The following R3HDM1 variants were observed in gnomAD, a reference collection of about 807,000 sequenced individuals.
R3HDM1 encodes the protein R3H domain containing 1, also known as R3H domain-containing protein 1.
R3HDM1 carries 46 observed loss-of-function variants against 141.1 expected under a neutral mutation model. The ratio of observed to expected loss-of-function variants is 0.33; its 90% confidence interval spans 0.26 to 0.42. The LOEUF (loss-of-function observed/expected upper bound fraction) is 0.42. Among genes scored for constraint, R3HDM1 ranks in the 10% least tolerant of loss-of-function variants. The pLI is 1.00. For synonymous variants in R3HDM1, 435 were observed against 472.9 expected, an observed-to-expected ratio of 0.92 and a Z score of 1.04; for missense variants, 1,184 against 1,368.3, an observed-to-expected ratio of 0.87 and a Z score of 2.12.
intron 1 of R3HDM1, chr2:135,536,729 TC>T (rs1696210955): frequency 1.0e-6 from 1 of 982,014 alleles, no homozygotes; most frequent in South Asian, 4.7e-5. Flanking sequence ...TGCTAACCTG[TC>T]CTATAAGGCA....
intron 23 of R3HDM1, among the ~76,000 whole-genome samples, chr2:135,713,192 A>G (rs768179936): frequency 6.6e-5 from 10 of 152,112 alleles, no homozygotes; most frequent in Non-Finnish European, 1.2e-4. Context: ...ACAGAGTGAG[A>G]CCCTGTCTCA....
At chr2:135,652,407 A>G (rs1230069893) in intron 18 of R3HDM1, among the ~76,000 whole-genome samples, 1 of 152,214 alleles carries the variant, frequency 6.6e-6, no homozygotes, top group Non-Finnish European at 1.5e-5. Context: ...GCTGACTCAC[A>G]AGGCTGGGCT....
At chr2:135,575,137 T>C (rs2105009032) in intron 1 of R3HDM1, among the ~76,000 whole-genome samples, 1 of 152,318 alleles carries the variant, frequency 6.6e-6, no homozygotes, top group East Asian at 1.9e-4. Flanking sequence ...GCACTTCAGA[T>C]TTTGGATTAA....
At chr2:135,699,129 A>T (rs2073877988) in intron 21 of R3HDM1, among the ~76,000 whole-genome samples, 1 of 142,234 alleles carries the variant, frequency 7.0e-6, no homozygotes, top group African/African-American at 2.7e-5. Context: ...CCCAAAAAAT[A>T]GCAAAATCAT....
intron 3 of R3HDM1, chr2:135,606,396 G>A (rs2060050819): frequency 6.6e-6 from 1 of 152,160 alleles, no homozygotes; most frequent in Non-Finnish European, 1.5e-5. Flanking sequence ...AGCCAGGCCA[G>A]AGGATGGGGA....
chr2:135,666,459 A>G (rs1368122088), intron 19 of R3HDM1, among the ~76,000 whole-genome samples: 2 of 152,168 alleles, frequency 1.3e-5, no homozygotes, highest in Non-Finnish European at 2.9e-5. Context: ...GTGATTCAGC[A>G]TAGATTCAGA....
In R3HDM1 at chr2:135,715,710, A is replaced by G. The variant is rs747221935; in HGVS notation, c.2881+16A>G. 6 of 1,599,496 alleles carry G rather than the reference A, an allele frequency of 3.8e-6. No individual in the cohort carries two copies. Among genetic ancestry groups the G allele is most frequent in the Non-Finnish European group, 5.1e-6 (6 of 1,172,904 alleles). On this transcript the variant is annotated intron_variant, in intron 24 of 26. Transcript: ENST00000683871. ...CCCGGGCAAGGTAAGTGCACATGAA[A>G]CTAGTCACAACTTCAGAGAATTTAA...
In R3HDM1 at chr2:135,638,892, A is replaced by G. The variant is rs915295440; in HGVS notation, c.993-4A>G. 6.2e-7 allele frequency: 1 copy of G among 1,613,208 alleles called. No individual in the cohort carries two copies. ...CTTTTCAAGGTTTTATTTCTAAATTACAGAGTTAATAAAGATGCTTCAGGG... is the reference window on the plus strand; with the variant it reads ...CTTTTCAAGGTTTTATTTCTAAATTGCAGAGTTAATAAAGATGCTTCAGGG... On this transcript the variant is annotated splice_region_variant and splice_polypyrimidine_tract_variant and intron_variant, in intron 13 of 26. Coordinates refer to ENST00000683871, the MANE Select transcript of R3HDM1 (RefSeq NM_001378107.1).
chr2:135,547,868 G>C (rs1261786963), intron 1 of R3HDM1, among the ~76,000 whole-genome samples: 1 of 149,308 alleles, frequency 6.7e-6, no homozygotes, highest in Non-Finnish European at 1.5e-5. Context: ...CCACTTCCCA[G>C]GTTCAAGTGA....
chr2:135,547,509 T>G (rs564051685), intron 1 of R3HDM1, among the ~76,000 whole-genome samples: 45 of 151,182 alleles, frequency 3.0e-4, no homozygotes, highest in Non-Finnish European at 4.7e-4. Flanking sequence ...CAAGCAATAG[T>G]GCACCATCAG....
intron 1 of R3HDM1, among the ~76,000 whole-genome samples, chr2:135,601,984 T>TTTTG (rs2059656620): frequency 6.6e-6 from 1 of 151,794 alleles, no homozygotes; most frequent in Non-Finnish European, 1.5e-5. Flanking sequence ...TTTTTTTTTT[T>TTTTG]TTAGAACAGA....
intron 1 of R3HDM1, chr2:135,581,088 G>T: frequency 1.5e-6 from 1 of 661,150 alleles, no homozygotes; most frequent in South Asian, 6.8e-5. Context: ...ACCATCTATG[G>T]TATGAAGAAT....
At chr2:135,636,847 ACTT>A (rs1488834690) in intron 11 of R3HDM1, among the ~76,000 whole-genome samples, 2 of 152,140 alleles carry the variant, frequency 1.3e-5, no homozygotes, top group African/African-American at 4.8e-5. Flanking sequence ...TAAGTGAAGA[ACTT>A]ATTCATTCAA....
chr2:135,667,697 T>C, intron 19 of R3HDM1: 1 of 976,972 alleles, frequency 1.0e-6, no homozygotes, highest in Non-Finnish European at 1.2e-6. Context: ...AACCTGTTGA[T>C]ACTTTTCATT....
chr2:135,651,001 GGTCC>G (rs1359465848), intron 17 of R3HDM1: 4 of 985,202 alleles, frequency 4.1e-6, no homozygotes, highest in Non-Finnish European at 4.8e-6. Flanking sequence ...AATAAGAGCT[GGTCC>G]TTATCCTGTT....
chr2:135,603,654 G>A (rs1159016499), intron 2 of R3HDM1, among the ~76,000 whole-genome samples: 1 of 152,126 alleles, frequency 6.6e-6, no homozygotes, highest in Non-Finnish European at 1.5e-5. Context: ...GTCACCCAAG[G>A]TGGAGTCTAG....
At chr2:135,641,469 G>A in intron 14 of R3HDM1, 67 bp from the exon 15 acceptor site, 1 of 1,473,258 alleles carries the variant, frequency 6.8e-7, no homozygotes, top group Non-Finnish European at 9.2e-7. Flanking sequence ...TTTTATTGTT[G>A]TTTTAAAAAC....
At position 135,616,601 on chromosome 2, in the gene R3HDM1, C is replaced by A. The variant is rs889479100; in HGVS notation, c.214-67C>A. On this transcript the variant is annotated intron_variant, in intron 4 of 26. Transcript: ENST00000683871. Reference sequence around the variant, plus strand: ...CTATAAAGAAACTTAGAAACTCTTTCTAGGGGGCTTTTGGATATGCCCTAG... The same window carrying A: ...CTATAAAGAAACTTAGAAACTCTTTATAGGGGGCTTTTGGATATGCCCTAG... The A allele has an allele frequency of 5.4e-6, 7 of 1,300,590 alleles. No individual in the cohort carries two copies. In the African/African-American group the frequency reaches 6.0e-5, roughly 11 times the overall value. 80.6% of individuals were successfully genotyped at this position (1,300,590 alleles called of 1,614,324 possible). A position where few individuals can be genotyped will look rare whatever the true frequency, so the allele number is the denominator to read the frequency against.
chr2:135,605,075 A>G (rs2059932238), intron 3 of R3HDM1, 59 bp downstream of exon 3: 2 of 1,339,950 alleles, frequency 1.5e-6, no homozygotes, highest in East Asian at 2.4e-5. Context: ...ATTTATGTTT[A>G]TTTTCATACA....
Sources: gnomAD v4.1 joint callset for allele counts (sites outside exome capture counted in the v4.1 genomes callset) on GRCh38, gnomAD v4.1.1 for gene constraint, MANE v1.5 for transcripts, NCBI Gene and HGNC (gene_info 2026-07-23, HGNC 2026-07-21) for gene names.